SRSF8: variants seen among roughly 807,000 people sequenced by gnomAD.
SRSF8 encodes serine/arginine-rich splicing factor 8.
In SRSF8, 3 loss-of-function variants were observed where a neutral mutation model predicts 2.0. The observed-to-expected ratio is 1.47, with a 90% CI of 0.67 to 3.79. SRSF8 has a LOEUF of 3.79. SRSF8 is among the 30% of genes most tolerant of loss of function. SRSF8 has a pLI of 0.02. For missense variants in SRSF8, 408 were observed against 410.9 expected (o/e 0.99, Z 0.06); for synonymous variants, 162 against 170.7 (o/e 0.95, Z 0.40).
rs1555107287 is a variant in SRSF8, at chr11:95,068,090, A to G, written c.*15A>G. Reference sequence around the variant, plus strand: ...TGTCCTCTTAAGAAAATGATGCATCAGGAAGCAACGTGATGGAGGACTTGG... The same window carrying G: ...TGTCCTCTTAAGAAAATGATGCATCGGGAAGCAACGTGATGGAGGACTTGG... On this transcript the variant is annotated 3_prime_UTR_variant, in exon 1 of 1. Transcript: ENST00000587424. 2.5e-6 allele frequency: 4 copies of G among 1,595,354 alleles called. No homozygotes were observed. Among genetic ancestry groups the G allele is most frequent in the African/African-American group, 2.7e-5 (2 of 74,566 alleles).
At position 95,070,123 on chromosome 11, in the gene SRSF8, CTT is replaced by C. The variant is rs1858713672; in HGVS notation, c.*2050_*2051del. ...GTGGCTCGCGCCTGTAATCCCAGCA[CTT>C]TGGGAGGCCAAGGCAGGTGGATCAC... On this transcript the variant is annotated 3_prime_UTR_variant, in exon 1 of 1. Transcript: ENST00000587424. 6.0e-6 allele frequency: 1 copy of C among 166,092 alleles called. No homozygotes were observed. Among genetic ancestry groups the C allele is most frequent in the South Asian group, 2.1e-4 (1 of 4,834 alleles). 10.3% of individuals were successfully genotyped at this position (166,092 alleles called of 1,614,324 possible).
rs897081640 is a variant in SRSF8 at position 95,069,901 on chromosome 11, G to C, written c.*1826G>C. 1.2e-5 allele frequency: 2 copies of C among 167,100 alleles called. No homozygotes were observed. Among genetic ancestry groups the C allele is most frequent in the Non-Finnish European group, 2.9e-5 (2 of 68,124 alleles). 10.4% of individuals were successfully genotyped at this position (167,100 alleles called of 1,614,324 possible). ...AGGTATATTTATTAAATGGGACCGA[G>C]TGGGACGGGGACGGGGCAGCCCTAA... On this transcript the variant is annotated 3_prime_UTR_variant, in exon 1 of 1. Transcript: ENST00000587424.
rs1858655695 is a variant in SRSF8, at chr11:95,067,141, G to T, written c.-86G>T. The T allele has an allele frequency of 1.6e-6, 2 of 1,276,002 alleles. No homozygotes were observed. The highest frequency in any genetic ancestry group is 7.8e-5 in the Admixed American group (2 of 25,726). 79.0% of individuals were successfully genotyped at this position (1,276,002 alleles called of 1,614,324 possible). Reference sequence around the variant, plus strand: ...CGGCCTTTCCCGGCGTCCCCACGCGGGGCGCAACCGCGAGAAAGAAACGCA... The same window carrying T: ...CGGCCTTTCCCGGCGTCCCCACGCGTGGCGCAACCGCGAGAAAGAAACGCA... On this transcript the variant is annotated 5_prime_UTR_variant, in exon 1 of 1. Transcript: ENST00000587424.
Position 95,067,972 on chromosome 11 carries a change from T to A in SRSF8, c.746T>A (p.Met249Lys). The A allele has an allele frequency of 1.2e-6, 2 of 1,614,000 alleles. No homozygotes were observed. Among genetic ancestry groups the A allele is most frequent in the South Asian group, 1.1e-5 (1 of 91,082 alleles). The change falls in exon 1 of 1, where the codon ATG becomes AAG. Residue 249 changes from methionine to lysine, a missense_variant. Around this residue, in one of 2 missense-constraint regions of SRSF8, gnomAD observed 346 missense variants for 316.5 expected, o/e 1.09. Transcript: ENST00000587424. ...RSRSRSRSSS[M>K]TRSPPRVSKR... is the part of the protein sequence containing the mutation. ...CGCTCGCGGTCCAGGTCTTCATCTA[T>A]GACCAGGAGTCCTCCCCGGGTATCC...
rs782231682 is a variant in SRSF8 at position 95,067,750 on chromosome 11, A to G, written c.524A>G (p.Tyr175Cys). The G allele has an allele frequency of 1.2e-6, 2 of 1,613,942 alleles. No homozygotes were observed. The highest frequency in any genetic ancestry group is 1.7e-6 in the Non-Finnish European group (2 of 1,179,864). ...CGGTCGCGCTACAGCCGCTCTCCCT[A>G]CAGCAGATCTCGCTACAGGGAATCT... ...YSRSRYSRSP[Y>C]SRSRYRESRY... Residue 175 changes from tyrosine (Y) to cysteine (C), a missense_variant, in exon 1 of 1, where the codon TAC becomes TGC. Tyr to Cys is a radical substitution (Grantham distance 194). Coordinates refer to ENST00000587424, the MANE Select transcript of SRSF8 (RefSeq NM_032102.4).
rs1275862094 is a variant in SRSF8, at chr11:95,067,220, C to T, written c.-7C>T. Reference sequence around the variant, plus strand: ...CCAGTTTCCGGGCCCGGGCTGCTCTCGGAGCCATGAGCTGCGGCCGCCCCC... The same window carrying T: ...CCAGTTTCCGGGCCCGGGCTGCTCTTGGAGCCATGAGCTGCGGCCGCCCCC... On this transcript the variant is annotated 5_prime_UTR_variant, in exon 1 of 1. Coordinates refer to ENST00000587424, the MANE Select transcript of SRSF8 (RefSeq NM_032102.4). 6.7e-7 allele frequency: 1 copy of T among 1,501,970 alleles called. No homozygotes were observed. Among genetic ancestry groups the T allele is most frequent in the African/African-American group, 1.4e-5 (1 of 69,740 alleles). The allele number at this position is 1,501,970 out of a possible 1,614,324, so 93.0% of individuals were successfully genotyped here. A position where few individuals can be genotyped will look rare whatever the true frequency, so the allele number is the denominator to read the frequency against.
In SRSF8 at chr11:95,068,992, TTTG is replaced by T. The variant is rs1329287818; in HGVS notation, c.*920_*922del. ...TGTTATGGAAGAAATAGTTTATAAG[TTTG>T]TTAAGTACTTATAACATGGTTTATC... On this transcript the variant is annotated 3_prime_UTR_variant, in exon 1 of 1. Coordinates refer to ENST00000587424, the MANE Select transcript of SRSF8 (RefSeq NM_032102.4). 1.8e-5 allele frequency: 3 copies of T among 166,914 alleles called. No individual in the cohort carries two copies. The highest frequency in any genetic ancestry group is 4.8e-5 in the African/African-American group (2 of 41,470). 10.3% of individuals were successfully genotyped at this position (166,914 alleles called of 1,614,324 possible). A position where few individuals can be genotyped will look rare whatever the true frequency, so the allele number is the denominator to read the frequency against.
In SRSF8 at chr11:95,067,277, G is replaced by A. The variant is rs573332679; in HGVS notation, c.51G>A (p.Lys17=). 1.0e-4 allele frequency: 158 copies of A among 1,585,940 alleles called. No homozygotes were observed. Among genetic ancestry groups the A allele is most frequent in the Non-Finnish European group, 1.2e-4 (145 of 1,168,292 alleles). ...ACGTGGACGGCATGATCACCCTCAAGGTGGACAACCTGACCTACCGCACCT... is the reference window on the plus strand; with the variant it reads ...ACGTGGACGGCATGATCACCCTCAAAGTGGACAACCTGACCTACCGCACCT... ...PPDVDGMITL[K]VDNLTYRTSP... is the part of the protein sequence containing the mutation. Residue 17 remains lysine (K), a synonymous_variant, in exon 1 of 1, where the codon AAG becomes AAA. Coordinates refer to ENST00000587424, the MANE Select transcript of SRSF8 (RefSeq NM_032102.4).
At chr11:95,066,881 G>A (rs143962217), upstream of SRSF8, among the ~76,000 whole-genome samples, 2 of 152,216 alleles carry the variant, frequency 1.3e-5, no homozygotes, top group Admixed American at 1.3e-4. Flanking sequence ...AGGAGCATGG[G>A]AGGGTGGGAC....
In SRSF8 at chr11:95,067,759, C is replaced by G; in HGVS notation, c.533C>G (p.Ser178Cys). ...TACAGCCGCTCTCCCTACAGCAGATCTCGCTACAGGGAATCTCGCTACGGC... is the reference window on the plus strand; with the variant it reads ...TACAGCCGCTCTCCCTACAGCAGATGTCGCTACAGGGAATCTCGCTACGGC... ...SRYSRSPYSR[S>C]RYRESRYGGS... Residue 178 changes from serine to cysteine, a missense_variant, in exon 1 of 1, where the codon TCT becomes TGT. Physicochemically the swap from Ser to Cys is moderately radical, Grantham distance 112. Around this residue, in one of 2 missense-constraint regions of SRSF8, gnomAD observed 346 missense variants for 316.5 expected, o/e 1.09. Coordinates refer to ENST00000587424, the MANE Select transcript of SRSF8 (RefSeq NM_032102.4). 2 of 1,614,050 alleles carry G rather than the reference C, an allele frequency of 1.2e-6. No homozygotes were observed. Among genetic ancestry groups the G allele is most frequent in the Non-Finnish European group, 1.7e-6 (2 of 1,179,884 alleles).
At position 95,068,292 on chromosome 11, in the gene SRSF8, A is replaced by T; in HGVS notation, c.*217A>T. 1.8e-6 allele frequency: 1 copy of T among 570,190 alleles called. No homozygotes were observed. The highest frequency in any genetic ancestry group is 3.2e-6 in the Non-Finnish European group (1 of 313,208). 35.3% of individuals were successfully genotyped at this position (570,190 alleles called of 1,614,324 possible). ...TATTCACATTTTATTGTAACTTAGG[A>T]GGTGAACGACCTAAGATTACGTTAT... is the stretch of plus-strand genomic sequence containing the variant. On this transcript the variant is annotated 3_prime_UTR_variant, in exon 1 of 1. Transcript: ENST00000587424.
Position 95,067,203 on chromosome 11 carries a change from C to T in SRSF8, c.-24C>T, listed in dbSNP as rs1411352236. The T allele has an allele frequency of 2.8e-6, 4 of 1,438,274 alleles. 1 individual carries two copies. The highest frequency in any genetic ancestry group is 9.2e-7 in the Non-Finnish European group (1 of 1,087,806). 89.1% of individuals were successfully genotyped at this position (1,438,274 alleles called of 1,614,324 possible). The stretch of plus-strand genomic sequence containing the variant: ...CAGCGCCCAGAGCAGCGCCAGTTTC[C>T]GGGCCCGGGCTGCTCTCGGAGCCAT... On this transcript the variant is annotated 5_prime_UTR_variant, in exon 1 of 1. Transcript: ENST00000587424.
Position 95,068,291 on chromosome 11 carries a change from G to C in SRSF8, c.*216G>C. The C allele has an allele frequency of 1.8e-6, 1 of 571,180 alleles. No homozygotes were observed. The highest frequency in any genetic ancestry group is 3.2e-6 in the Non-Finnish European group (1 of 313,892). The allele number at this position is 571,180 out of a possible 1,614,324, so 35.4% of individuals were successfully genotyped here. On this transcript the variant is annotated 3_prime_UTR_variant, in exon 1 of 1. Transcript: ENST00000587424. ...TTATTCACATTTTATTGTAACTTAGGAGGTGAACGACCTAAGATTACGTTA... is the reference window on the plus strand; with the variant it reads ...TTATTCACATTTTATTGTAACTTAGCAGGTGAACGACCTAAGATTACGTTA...
Position 95,068,193 on chromosome 11 carries a change from C to A in SRSF8, c.*118C>A. 9.5e-7 allele frequency: 1 copy of A among 1,047,912 alleles called. No homozygotes were observed. The highest frequency in any genetic ancestry group is 1.4e-6 in the Non-Finnish European group (1 of 732,308). The allele number at this position is 1,047,912 out of a possible 1,614,324, so 64.9% of individuals were successfully genotyped here. On this transcript the variant is annotated 3_prime_UTR_variant, in exon 1 of 1. Transcript: ENST00000587424. ...GCTGCCTATTGAAAAGGTTGTGTCA[C>A]ACTTTTCTACCTTTTTGCCAGTTTG...
Position 95,067,810 on chromosome 11 carries a change from A to G in SRSF8, c.584A>G (p.Tyr195Cys). ...GGATCTCACTACAGCTCATCTGGTT[A>G]CAGTAACTCTCGCTACAGCCGATAT... ...YGGSHYSSSG[Y>C]SNSRYSRYHS... The change falls in exon 1 of 1, where the codon TAC (tyrosine) becomes TGC (cysteine). Residue 195 changes from tyrosine to cysteine, a missense_variant. Tyr to Cys is a radical substitution (Grantham distance 194, BLOSUM62 -2). Transcript: ENST00000587424. 1 of 1,613,976 alleles carries G rather than the reference A, an allele frequency of 6.2e-7. No individual in the cohort carries two copies. Among genetic ancestry groups the G allele is most frequent in the Non-Finnish European group, 8.5e-7 (1 of 1,179,884 alleles).
At position 95,067,796 on chromosome 11, in the gene SRSF8, C is replaced by T; in HGVS notation, c.570C>T (p.Tyr190=). The T allele has an allele frequency of 6.2e-7, 1 of 1,614,068 alleles. No homozygotes were observed. ...AATCTCGCTACGGCGGATCTCACTA[C>T]AGCTCATCTGGTTACAGTAACTCTC... ...YRESRYGGSH[Y]SSSGYSNSRY... The change falls in exon 1 of 1, where the codon TAC becomes TAT. Residue 190 remains tyrosine (Y), a synonymous_variant. Transcript: ENST00000587424.
chr11:95,067,382 G>A lies in SRSF8; in HGVS notation c.156G>A (p.Lys52=), dbSNP rs781788433. The change falls in exon 1 of 1, where the codon AAG becomes AAA. Residue 52 remains lysine (K), a synonymous_variant. Transcript: ENST00000587424. The part of the protein sequence containing the change: ...DVYIPREPHT[K]APRGFAFVRF... ...ACATCCCGCGGGAGCCCCACACCAA[G>A]GCGCCCCGGGGCTTCGCTTTCGTCC... The A allele has an allele frequency of 1.1e-5, 17 of 1,591,714 alleles. No homozygotes were observed. The East Asian group carries it at 3.7e-4, about 35-fold the overall frequency.
In SRSF8 at chr11:95,068,375, G is replaced by T. The variant is rs111408022; in HGVS notation, c.*300G>T. ...TTATTTCTATAGTGATGACTGTTTT[G>T]GTTTGAAATGAACAGATTGGTAACC... On this transcript the variant is annotated 3_prime_UTR_variant, in exon 1 of 1. Coordinates refer to ENST00000587424, the MANE Select transcript of SRSF8 (RefSeq NM_032102.4). 0.024 allele frequency: 8,230 copies of T among 338,410 alleles called. 192 individuals are homozygous for T. Among genetic ancestry groups the T allele is most frequent in the Admixed American group, 0.079 (1,748 of 22,146 alleles). The allele number at this position is 338,410 out of a possible 1,614,324, so 21.0% of individuals were successfully genotyped here.
chr11:95,067,535 A>G lies in SRSF8; in HGVS notation c.309A>G (p.Gly103=). ...GGGACCTGCCCCGCAGCCGCCAGGG[A>G]GAGCCACGCGGCAGGTCCAGAGGCG... ...GRRDLPRSRQ[G]EPRGRSRGGG... Residue 103 remains glycine (G), a synonymous_variant, in exon 1 of 1, where the codon GGA becomes GGG. Transcript: ENST00000587424. 1 of 1,525,270 alleles carries G rather than the reference A, an allele frequency of 6.6e-7. No individual in the cohort carries two copies. The allele number at this position is 1,525,270 out of a possible 1,614,324, so 94.5% of individuals were successfully genotyped here.
Sources: gnomAD v4.1 joint callset for allele counts (sites outside exome capture counted in the v4.1 genomes callset) on GRCh38, gnomAD v4.1.1 for gene constraint, gnomAD v4.1.1 regional missense constraint, MANE v1.5 for transcripts, NCBI Gene and HGNC (gene_info 2026-07-23, HGNC 2026-07-21) for gene names.